NRXN3: variants seen among roughly 807,000 people sequenced by gnomAD.
The protein encoded by NRXN3 is neurexin III.
A neutral mutation model predicts 137.6 loss-of-function variants in NRXN3; 32 were observed. The observed-to-expected ratio is 0.23, with a 90% CI of 0.18 to 0.31. The LOEUF (loss-of-function observed/expected upper bound fraction) is 0.31. NRXN3 is among the 10% of genes least tolerant of loss of function. The pLI is 1.00. For synonymous variants in NRXN3, 798 were observed against 784.5 expected (o/e 1.02, Z -0.29); for missense variants, 1,574 against 2,062.5 (o/e 0.76, Z 4.59).
chr14:78,705,143 C>T (rs918204320), intron 6 of NRXN3, among the ~76,000 whole-genome samples: 4 of 152,300 alleles, frequency 2.6e-5, no homozygotes, highest in Middle Eastern at 3.4e-3. Context: ...CATGGGGAGC[C>T]GTTTCTACTT....
At chr14:78,678,073 A>G (rs1442399680) in intron 6 of NRXN3, among the ~76,000 whole-genome samples, 1 of 152,158 alleles carries the variant, frequency 6.6e-6, no homozygotes, top group African/African-American at 2.4e-5. Flanking sequence ...CTTTATTGTG[A>G]TAGTCTCTTT....
chr14:79,441,664 G>C (rs1236357535), intron 15 of NRXN3, among the ~76,000 whole-genome samples: 1 of 151,980 alleles, frequency 6.6e-6, no homozygotes, highest in Non-Finnish European at 1.5e-5. Flanking sequence ...ACAGGCGTGA[G>C]CCACCACACC....
intron 2 of NRXN3, among the ~76,000 whole-genome samples, chr14:78,256,084 T>G (rs1006753850): frequency 2.6e-5 from 4 of 152,170 alleles, no homozygotes; most frequent in African/African-American, 7.2e-5. Flanking sequence ...AAATACTTTT[T>G]TTTTTGGTTT....
intron 19 of NRXN3, among the ~76,000 whole-genome samples, chr14:79,735,169 G>A (rs975346659): frequency 1.3e-5 from 2 of 152,072 alleles, no homozygotes; most frequent in Admixed American, 1.3e-4. Flanking sequence ...CCTGTTATAC[G>A]GCATTTTCCA....
intron 15 of NRXN3, among the ~76,000 whole-genome samples, chr14:79,385,301 T>C (rs1043721960): frequency 7.0e-6 from 1 of 143,152 alleles, no homozygotes; most frequent in Non-Finnish European, 1.5e-5. Context: ...TGAGTGAGAA[T>C]ATGTGGTGTT....
At chr14:78,679,571 T>C (rs546636420) in intron 6 of NRXN3, among the ~76,000 whole-genome samples, 1 of 152,184 alleles carries the variant, frequency 6.6e-6, no homozygotes, top group South Asian at 2.1e-4. Context: ...GCTACTAAAT[T>C]TTTCAGAATA....
intron 4 of NRXN3, among the ~76,000 whole-genome samples, chr14:78,625,093 G>C (rs1352883893): frequency 1.3e-5 from 2 of 152,152 alleles, no homozygotes; most frequent in African/African-American, 4.8e-5. Context: ...ACCCGCCTTG[G>C]CCTCCCAAAG....
chr14:79,081,615 C>CAA (rs34854400), intron 15 of NRXN3, among the ~76,000 whole-genome samples: 15 of 110,290 alleles, frequency 1.4e-4, no homozygotes, highest in African/African-American at 4.9e-4. Context: ...GACTTTATCT[C>CAA]AAAAAAAAAA....
intron 19 of NRXN3, among the ~76,000 whole-genome samples, chr14:79,747,198 AC>A (rs1369555735): frequency 6.6e-6 from 1 of 152,000 alleles, no homozygotes; most frequent in African/African-American, 2.4e-5. Context: ...TTTCTGCAAA[AC>A]TACCTCAAAG....
At chr14:78,410,276 T>C (rs1225478074) in intron 4 of NRXN3, among the ~76,000 whole-genome samples, 1 of 152,186 alleles carries the variant, frequency 6.6e-6, no homozygotes, top group Non-Finnish European at 1.5e-5. Context: ...GGTAGTGACA[T>C]CTTCAATGGA....
intron 15 of NRXN3, among the ~76,000 whole-genome samples, chr14:79,379,945 C>T (rs973342108): frequency 1.3e-5 from 2 of 151,810 alleles, no homozygotes; most frequent in African/African-American, 4.8e-5. Flanking sequence ...GGTATAAGGC[C>T]AGTGTATAGG....
intron 15 of NRXN3, among the ~76,000 whole-genome samples, chr14:79,381,386 G>A (rs1262823508): frequency 6.6e-6 from 1 of 152,028 alleles, no homozygotes; most frequent in African/African-American, 2.4e-5. Flanking sequence ...GTGAAATATT[G>A]AACTATATGA....
At chr14:79,405,578 C>T (rs538728952) in intron 15 of NRXN3, among the ~76,000 whole-genome samples, 1 of 152,192 alleles carries the variant, frequency 6.6e-6, no homozygotes, top group East Asian at 1.9e-4. Context: ...ACAGTCAATC[C>T]CTCTGGAACC....
rs2068466388 is a variant in NRXN3 at position 78,250,645 on chromosome 14, G to A, written c.709+6843G>A. 6.6e-5 allele frequency among the ~76,000 whole-genome samples: 10 copies of A among 152,334 alleles called. 1 individual carries two copies. In the South Asian group the frequency reaches 2.1e-3, roughly 32 times the overall value. On this transcript the variant is annotated intron_variant, in intron 2 of 20. Coordinates refer to ENST00000335750, the MANE Select transcript of NRXN3 (RefSeq NM_001330195.2). ...GCAGCCACCCAGTGAGGCAGGTAGG[G>A]CAGGCCTTAGCATCCCACTGAATAG...
At position 78,755,339 on chromosome 14, in the gene NRXN3, T is replaced by A. The variant is rs1474193856; in HGVS notation, c.2044+40200T>A. Among the ~76,000 whole-genome samples, 4 of 152,220 alleles carry A rather than the reference T, an allele frequency of 2.6e-5. 1 individual carries two copies. Among genetic ancestry groups the A allele is most frequent in the Admixed American group, 2.6e-4 (4 of 15,292 alleles). On this transcript the variant is annotated intron_variant, in intron 8 of 20. Transcript: ENST00000335750. ...ACTGAGCCCAGTCTAGCGCATGCCTTTAATGGATGCCATTCTTCCCTCATA... is the reference window on the plus strand; with the variant it reads ...ACTGAGCCCAGTCTAGCGCATGCCTATAATGGATGCCATTCTTCCCTCATA...
chr14:79,173,806 A>G (rs6574498), intron 15 of NRXN3, among the ~76,000 whole-genome samples: 42,635 of 152,064 alleles, frequency 0.28, 6,547 homozygotes, highest in Non-Finnish European at 0.35. Context: ...TGTCCTGACT[A>G]TATAGGCTTT....
chr14:79,707,023 C>T (rs1295998676), intron 19 of NRXN3, among the ~76,000 whole-genome samples: 2 of 152,136 alleles, frequency 1.3e-5, no homozygotes, highest in Non-Finnish European at 2.9e-5. Context: ...TGGTCCCCAA[C>T]ATTGGTCTAA....
In NRXN3 at chr14:78,966,363, A is replaced by G. The variant is rs769301274; in HGVS notation, c.2734A>G (p.Ser912Gly). 1.9e-6 allele frequency: 3 copies of G among 1,614,008 alleles called. No individual in the cohort carries two copies. Among genetic ancestry groups the G allele is most frequent in the Non-Finnish European group, 2.5e-6 (3 of 1,179,990 alleles). ...ACCAGATGGCTTCATTCTCTTCAAT[A>G]GTGGTGATGGCAATGACTTCATTGC... ...TSPDGFILFN[S>G]GDGNDFIAVE... Residue 912 changes from serine (S) to glycine (G), a missense_variant, in exon 12 of 21, where the codon AGT becomes GGT. Around this residue, in one of 5 missense-constraint regions of NRXN3, gnomAD observed 718 missense variants for 887.6 expected, o/e 0.81. Coordinates refer to ENST00000335750, the MANE Select transcript of NRXN3 (RefSeq NM_001330195.2).
At chr14:78,339,240 G>C (rs149669287) in intron 4 of NRXN3, among the ~76,000 whole-genome samples, 1 of 152,092 alleles carries the variant, frequency 6.6e-6, no homozygotes, top group Non-Finnish European at 1.5e-5. Flanking sequence ...ATATATTTTC[G>C]CATGGGAGCA....
Sources: allele counts gnomAD v4.1 joint callset (sites outside exome capture counted in the v4.1 genomes callset), GRCh38; gene constraint gnomAD v4.1.1; regional missense constraint gnomAD v4.1.1; transcripts MANE v1.5; gene names NCBI Gene and HGNC (gene_info 2026-07-23, HGNC 2026-07-21).